FHL1: variants seen among roughly 807,000 people sequenced by gnomAD.
FHL1 encodes four and a half LIM domains 1.
FHL1 carries 1 observed loss-of-function variant against 20.3 expected under a neutral mutation model. The observed-to-expected ratio is 0.05, with a 90% confidence interval of 0.02 to 0.23. The LOEUF is 0.23. FHL1 is among the 10% of genes least tolerant of loss of function. The pLI is 1.00. For missense variants in FHL1, 177 were observed against 234.0 expected, an observed-to-expected ratio of 0.76 and a Z score of 1.59; for synonymous variants, 82 against 88.9, an observed-to-expected ratio of 0.92 and a Z score of 0.44.
chrX:136,196,993 G>C, upstream of FHL1: 2 of 1,034,484 alleles, frequency 1.9e-6, no homozygotes, highest in Non-Finnish European at 1.3e-6. Flanking sequence ...ATCTGCTCTC[G>C]GTTATTTTTG....
At chrX:136,161,305 T>G (rs765121977) in intron 1 of FHL1, among the ~76,000 whole-genome samples, 2 of 111,459 alleles carry the variant, frequency 1.8e-5, no homozygotes, top group South Asian at 7.7e-4. Flanking sequence ...CTTAATCCAG[T>G]TACTTTTGAA....
intron 1 of FHL1, among the ~76,000 whole-genome samples, chrX:136,162,122 CAAAA>C (rs745946778): frequency 6.1e-5 from 3 of 48,944 alleles, no homozygotes; most frequent in East Asian, 7.1e-4. Flanking sequence ...GACCCTGTCT[CAAAA>C]AAAAAAAAAA....
intron 2 of FHL1, among the ~76,000 whole-genome samples, chrX:136,173,563 A>G (rs1004877968): frequency 7.1e-5 from 8 of 112,273 alleles, no homozygotes; most frequent in Non-Finnish European, 5.6e-5. Flanking sequence ...AGCATTTAAA[A>G]ATTGAAAGGT....
At chrX:136,149,314 C>A (rs1204640275) in intron 1 of FHL1, among the ~76,000 whole-genome samples, 7 of 112,414 alleles carry the variant, frequency 6.2e-5, no homozygotes, top group Non-Finnish European at 1.3e-4. Context: ...CCTTTACAAA[C>A]TCATGTTCAT....
intron 5 of FHL1, chrX:136,209,510 C>G (rs2073947425): frequency 9.2e-7 from 1 of 1,084,224 alleles, no homozygotes; most frequent in Admixed American, 2.4e-5. Context: ...ATGGCCCTGA[C>G]CTAAATCAAA....
intron 5 of FHL1, chrX:136,209,240 C>T (rs1301868155): frequency 1.7e-6 from 2 of 1,196,074 alleles, no homozygotes; most frequent in East Asian, 5.9e-5. Context: ...TTGCCATCCT[C>T]AGGGAAAAGG....
chrX:136,196,508 A>G (rs1183134709), upstream of FHL1, among the ~76,000 whole-genome samples: 1 of 111,333 alleles, frequency 9.0e-6, no homozygotes, highest in African/African-American at 3.3e-5. Context: ...TGGGGAGATT[A>G]CGATCACTCT....
chrX:136,203,878 G>C (rs938026355), intron 1 of FHL1, among the ~76,000 whole-genome samples: 1 of 111,748 alleles, frequency 8.9e-6, no homozygotes, highest in Non-Finnish European at 1.9e-5. Flanking sequence ...CATAAAGCTA[G>C]GACTCAAATA....
chrX:136,179,173 T>G (rs1312521881), intron 2 of FHL1, among the ~76,000 whole-genome samples: 1 of 111,549 alleles, frequency 9.0e-6, no homozygotes, highest in Non-Finnish European at 1.9e-5. Flanking sequence ...GTGGTGAGAG[T>G]TTGTGTACAT....
Position 136,210,259 on chromosome X carries a change from A to G in FHL1, c.*234A>G. ...TGAATTTCTGTCCGGCTGCAATTTAAAAATGAAAACTTAGGTAGATTGACT... is the reference window on the plus strand; with the variant it reads ...TGAATTTCTGTCCGGCTGCAATTTAGAAATGAAAACTTAGGTAGATTGACT... On this transcript the variant is annotated 3_prime_UTR_variant, in exon 6 of 6. Coordinates refer to ENST00000370683, the MANE Select transcript of FHL1 (RefSeq NM_001159699.2). 2.0e-6 allele frequency: 1 copy of G among 508,168 alleles called. No homozygotes were observed. Among genetic ancestry groups the G allele is most frequent in the Non-Finnish European group, 3.5e-6 (1 of 288,930 alleles). 41.9% of individuals were successfully genotyped at this position (508,168 alleles called of 1,213,427 possible).
intron 1 of FHL1, among the ~76,000 whole-genome samples, chrX:136,152,719 CAAA>C (rs768022110): frequency 1.9e-5 from 1 of 53,032 alleles, no homozygotes; most frequent in Non-Finnish European, 3.1e-5. Flanking sequence ...GACTCCATCT[CAAA>C]AAAAAAAAAA....
At chrX:136,158,663 C>T (rs1260922573) in intron 1 of FHL1, among the ~76,000 whole-genome samples, 1 of 111,445 alleles carries the variant, frequency 9.0e-6, no homozygotes, top group Non-Finnish European at 1.9e-5. Context: ...ACACTCCTTT[C>T]CAGTTTCGAG....
At chrX:136,209,535 T>G (rs1603273104) in intron 5 of FHL1, 1 of 949,291 alleles carries the variant, frequency 1.1e-6, no homozygotes, top group South Asian at 2.2e-5. Context: ...CTGGTTATGC[T>G]GGGAGGTCGG....
chrX:136,188,912 G>C (rs749024195), intron 2 of FHL1, among the ~76,000 whole-genome samples: 2 of 111,035 alleles, frequency 1.8e-5, no homozygotes, highest in Non-Finnish European at 3.8e-5. Context: ...GATGAGATAG[G>C]GTCTTTTAGA....
At chrX:136,162,009 G>C (rs1211687091) in intron 1 of FHL1, among the ~76,000 whole-genome samples, 1 of 107,872 alleles carries the variant, frequency 9.3e-6, no homozygotes, top group African/African-American at 3.4e-5. Flanking sequence ...TGTGGTCCCA[G>C]CTACTCAGGA....
chrX:136,208,209 C>G (rs2148377369), intron 4 of FHL1, among the ~76,000 whole-genome samples: 1 of 111,996 alleles, frequency 8.9e-6, no homozygotes, highest in African/African-American at 3.2e-5. Context: ...GCTGGGCAGC[C>G]CTGGCTCTAG....
intron 2 of FHL1, chrX:136,182,646 C>A (rs766649229): frequency 2.4e-4 from 27 of 111,972 alleles, no homozygotes; most frequent in African/African-American, 7.1e-4. Flanking sequence ...AGTTAGCTGG[C>A]AGGAGATCCC....
chrX:136,164,562 A>G (rs2072662737), intron 1 of FHL1, among the ~76,000 whole-genome samples: 1 of 111,321 alleles, frequency 9.0e-6, no homozygotes, highest in Non-Finnish European at 1.9e-5. Flanking sequence ...TTGTCCCTTT[A>G]TGTTTTTCCC....
At chrX:136,168,625 G>T (rs1034666371), upstream of FHL1, among the ~76,000 whole-genome samples, 1 of 111,318 alleles carries the variant, frequency 9.0e-6, no homozygotes, top group African/African-American at 3.3e-5. Context: ...TTTTGGCCTG[G>T]CAAACAAGAA....
Sources: gnomAD v4.1 joint callset for allele counts (sites outside exome capture counted in the v4.1 genomes callset) on GRCh38, gnomAD v4.1.1 for gene constraint, MANE v1.5 for transcripts, NCBI Gene and HGNC (gene_info 2026-07-23, HGNC 2026-07-21) for gene names.